The following ADCY10 variants were observed in gnomAD, a reference collection of about 807,000 sequenced individuals.
The protein encoded by ADCY10 is adenylate cyclase 10.
Under a neutral mutation model 183.3 loss-of-function variants are expected in ADCY10, and 156 were observed. The observed-to-expected ratio is 0.85, with a 90% CI of 0.75 to 0.97. The LOEUF (loss-of-function observed/expected upper bound fraction) is 0.97, where lower values mean the gene tolerates loss of function less well. Ranked by LOEUF, ADCY10 falls within the 50% of genes least tolerant of loss-of-function variation. ADCY10 has a pLI of 0.00. For missense variants in ADCY10, 1,745 were observed against 1,934.3 expected (o/e 0.90, Z 1.84); for synonymous variants, 645 against 670.0 (o/e 0.96, Z 0.58).
chr1:167,813,209 A>G (rs991584950), intron 31 of ADCY10, among the ~76,000 whole-genome samples: 8 of 152,184 alleles, frequency 5.3e-5, no homozygotes, highest in African/African-American at 1.9e-4. Context: ...GACAAATATA[A>G]TCACTTTTGA....
At chr1:167,880,705 G>C in intron 9 of ADCY10, 96 bp from the exon 10 acceptor site, 1 of 868,850 alleles carries the variant, frequency 1.2e-6, no homozygotes, top group Non-Finnish European at 2.0e-6. Context: ...GCAATTTTTG[G>C]CTTCTGAATC....
intron 14 of ADCY10, among the ~76,000 whole-genome samples, chr1:167,863,950 C>T (rs1045939740): frequency 2.0e-5 from 3 of 152,098 alleles, no homozygotes; most frequent in Admixed American, 6.5e-5. Flanking sequence ...GTTTGAATTA[C>T]TTGACAGGAC....
chr1:167,837,395 C>T (rs1664295163), intron 21 of ADCY10, 77 bp from the exon 22 acceptor site: 2 of 1,314,272 alleles, frequency 1.5e-6, no homozygotes, highest in Admixed American at 1.8e-5. Context: ...CTACCCAAGA[C>T]TCTTGTTCCC....
rs189794134 is a variant in ADCY10 at position 167,896,038 on chromosome 1, A to G, written c.739+557T>C. On this transcript the variant is annotated intron_variant, in intron 7 of 32. Coordinates refer to ENST00000367851, the MANE Select transcript of ADCY10 (RefSeq NM_018417.6). The stretch of plus-strand genomic sequence containing the variant: ...GAGCATAAGCTATGGTCAACCATCT[A>G]GGATGAGGCCTGAGAAGAGGTCACC... Among the ~76,000 whole-genome samples, 12 of 152,344 alleles carry G rather than the reference A, an allele frequency of 7.9e-5. No homozygotes were observed. The East Asian group carries it at 2.3e-3, about 29-fold the overall frequency.
At chr1:167,851,498 A>G (rs1016929160) in intron 18 of ADCY10, among the ~76,000 whole-genome samples, 36 of 152,222 alleles carry the variant, frequency 2.4e-4, no homozygotes, top group Admixed American at 1.3e-4. Flanking sequence ...ACACTCTCTC[A>G]TATAACTAGA....
At chr1:167,817,501 C>T (rs184338322) in intron 31 of ADCY10, among the ~76,000 whole-genome samples, 50 of 152,304 alleles carry the variant, frequency 3.3e-4, no homozygotes, top group Non-Finnish European at 6.2e-4. Context: ...GCCCTTTATT[C>T]TCTTGGGGGC....
At chr1:167,838,873 C>T (rs1051785182) in intron 21 of ADCY10, among the ~76,000 whole-genome samples, 2 of 152,230 alleles carry the variant, frequency 1.3e-5, no homozygotes, top group Non-Finnish European at 2.9e-5. Flanking sequence ...GTAAGCATCA[C>T]TGTCATATAT....
Position 167,883,546 on chromosome 1 carries a change from T to C in ADCY10, c.911A>G (p.Gln304Arg), listed in dbSNP as rs753565900. 1.2e-6 allele frequency: 2 copies of C among 1,614,248 alleles called. No homozygotes were observed. The highest frequency in any genetic ancestry group is 8.5e-7 in the Non-Finnish European group (1 of 1,180,038). The change falls in exon 9 of 33, where the codon CAA (glutamine) becomes CGA (arginine). Residue 304 changes from glutamine (Q) to arginine (R), a missense_variant. Physicochemically the swap from Gln to Arg is conservative, Grantham distance 43. Transcript: ENST00000367851. ...IVFVNLMFED[Q>R]DKAEEIGPAI... ...TGGGCCTATCTCTTCTGCTTTGTCT[T>C]GGTCTTCAAACATCAGGTTCACAAA...
intron 23 of ADCY10, among the ~76,000 whole-genome samples, chr1:167,835,652 G>T (rs1337380228): frequency 6.6e-6 from 1 of 152,124 alleles, no homozygotes; most frequent in Non-Finnish European, 1.5e-5. Context: ...ACTTTGGAAG[G>T]CCAAGGAGGG....
rs2102023717 is a variant in ADCY10, at chr1:167,856,338, G to C, written c.1998C>G (p.Ile666Met). The C allele has an allele frequency of 1.9e-6, 3 of 1,614,044 alleles. No individual in the cohort carries two copies. Among genetic ancestry groups the C allele is most frequent in the Non-Finnish European group, 2.5e-6 (3 of 1,179,944 alleles). ...FMEKLIRTLP[I>M]FIIMSLCPFV... ...AGGGACACAGGGACATAATGATGAA[G>C]ATAGGAAGAGTCCGGATAAGCTTCT... Residue 666 changes from isoleucine (I) to methionine (M), a missense_variant, in exon 17 of 33, where the codon ATC (isoleucine) becomes ATG (methionine). Physicochemically the swap from Ile to Met is conservative, Grantham distance 10 (BLOSUM62 1). Coordinates refer to ENST00000367851, the MANE Select transcript of ADCY10 (RefSeq NM_018417.6).
chr1:167,911,908 A>T (rs1670171493), intron 1 of ADCY10, among the ~76,000 whole-genome samples: 1 of 152,236 alleles, frequency 6.6e-6, no homozygotes, highest in African/African-American at 2.4e-5. Flanking sequence ...AAGTACATGC[A>T]TTTTGAGATT....
chr1:167,846,318 G>A, intron 19 of ADCY10, 55 bp from the exon 20 acceptor site: 1 of 1,600,748 alleles, frequency 6.2e-7, no homozygotes, highest in Non-Finnish European at 8.6e-7. Flanking sequence ...TATCTAATAT[G>A]CTGTATTTAA....
chr1:167,884,574 C>T (rs1655986116), intron 8 of ADCY10, among the ~76,000 whole-genome samples: 5 of 152,026 alleles, frequency 3.3e-5, no homozygotes, highest in South Asian at 4.2e-4. Context: ...AGGTCTTTCT[C>T]ATTCTTTCTC....
At chr1:167,879,547 A>G (rs1256328417) in intron 11 of ADCY10, among the ~76,000 whole-genome samples, 1 of 151,888 alleles carries the variant, frequency 6.6e-6, no homozygotes, top group Non-Finnish European at 1.5e-5. Context: ...CCTCACCCCC[A>G]TACACTCCCC....
Position 167,833,074 on chromosome 1 carries a change from A to C in ADCY10, c.3506T>G (p.Leu1169Ter). The C allele has an allele frequency of 2.5e-6, 4 of 1,614,162 alleles. No homozygotes were observed. Among genetic ancestry groups the C allele is most frequent in the Non-Finnish European group, 3.4e-6 (4 of 1,180,030 alleles). Residue 1169 changes from leucine to a stop codon, truncating the protein, a stop_gained, in exon 25 of 33, where the codon TTA becomes TGA. Transcript: ENST00000367851. LOFTEE classifies it high-confidence loss of function. ...ATGGATATGGAGAAACAAGGAGATTAAGTTGTAAGGAAAGATTCGGTTGAG... is the reference window on the plus strand; with the variant it reads ...ATGGATATGGAGAAACAAGGAGATTCAGTTGTAAGGAAAGATTCGGTTGAG... ...KLLNRIFPYNLISLFLHIHVE... is the reference protein window; with the variant it reads ...KLLNRIFPYN
chr1:167,811,189 G>T (rs886897113), intron 31 of ADCY10, among the ~76,000 whole-genome samples: 1 of 152,012 alleles, frequency 6.6e-6, no homozygotes, highest in African/African-American at 2.4e-5. Context: ...TGATTATTAT[G>T]ATTATTAAGG....
Position 167,856,404 on chromosome 1 carries a change from A to T in ADCY10, c.1932T>A (p.Asp644Glu), listed in dbSNP as rs747291612. Residue 644 changes from aspartate (D) to glutamate (E), a missense_variant, in exon 17 of 33, where the codon GAT (aspartate) becomes GAA (glutamate). Coordinates refer to ENST00000367851, the MANE Select transcript of ADCY10 (RefSeq NM_018417.6). ...VKEERIIFIIDEAQFVDSTSW... is the reference protein window; with the variant it reads ...VKEERIIFIIEEAQFVDSTSW... ...AGGTCGAATCCACAAACTGGGCCTC[A>T]TCAATGATAAAAATAATCCTTTCCT... 1 of 1,614,218 alleles carries T rather than the reference A, an allele frequency of 6.2e-7. No individual in the cohort carries two copies. Among genetic ancestry groups the T allele is most frequent in the Admixed American group, 1.7e-5 (1 of 60,036 alleles).
At chr1:167,885,097 C>G (rs921131820) in intron 8 of ADCY10, among the ~76,000 whole-genome samples, 1 of 150,642 alleles carries the variant, frequency 6.6e-6, no homozygotes, top group African/African-American at 2.5e-5. Flanking sequence ...CACTTCCATC[C>G]ACGTTGTTGC....
At chr1:167,909,882 T>C (rs1174220110) in intron 1 of ADCY10, among the ~76,000 whole-genome samples, 3 of 152,140 alleles carry the variant, frequency 2.0e-5, no homozygotes, top group Non-Finnish European at 2.9e-5. Flanking sequence ...AAAGAGGAAG[T>C]AAAAGCTGAA....
Sources: allele counts gnomAD v4.1 joint callset (sites outside exome capture counted in the v4.1 genomes callset), GRCh38; gene constraint gnomAD v4.1.1; transcripts MANE v1.5; gene names NCBI Gene and HGNC (gene_info 2026-07-23, HGNC 2026-07-21).